The following GUCY2F variants were observed in gnomAD, a reference collection of about 807,000 sequenced individuals.
The protein encoded by GUCY2F is guanylate cyclase 2F, retinal.
GUCY2F carries 61 observed loss-of-function variants against 73.1 expected under a neutral mutation model. That is an observed-to-expected ratio of 0.83 (90% CI 0.68 to 1.03). GUCY2F has a LOEUF of 1.03. Ranked by LOEUF, GUCY2F falls within the 50% of genes least tolerant of loss-of-function variation. The pLI is 0.00. For missense variants in GUCY2F, 912 were observed against 854.3 expected (o/e 1.07, Z -0.84); for synonymous variants, 331 against 307.8 (o/e 1.08, Z -0.79).
chrX:109,468,683 G>A (rs1932517037), intron 2 of GUCY2F, among the ~76,000 whole-genome samples: 1 of 111,655 alleles, frequency 9.0e-6, no homozygotes, highest in South Asian at 3.8e-4. Context: ...GACCCTTTAA[G>A]ACCAAGTAGG....
chrX:109,424,363 T>G, intron 8 of GUCY2F, among the ~76,000 whole-genome samples: 1 of 111,157 alleles, frequency 9.0e-6, no homozygotes, highest in Admixed American at 9.6e-5. Flanking sequence ...GATTTGAGAG[T>G]GGATGTGATT....
chrX:109,387,008 G>C (rs746796311), intron 15 of GUCY2F, among the ~76,000 whole-genome samples: 70 of 111,948 alleles, frequency 6.3e-4, no homozygotes, highest in Middle Eastern at 4.6e-3. Context: ...ACATGAGTAA[G>C]ATATGCTTCC....
rs1474560041 is a variant in GUCY2F at position 109,392,925 on chromosome X, TTC to T, written c.2553_2554del (p.Lys852AsnfsTer15). Reference sequence around the variant, plus strand: ...CATCTGTGTTAGAAGCTTTTCCGTTTTCTGTTTTTCAATTTCCAGCTCTTCAG... The same window carrying T: ...CATCTGTGTTAGAAGCTTTTCCGTTTTGTTTTTCAATTTCCAGCTCTTCAG... On this transcript the variant is annotated frameshift_variant, in exon 13 of 20. Coordinates refer to ENST00000218006, the MANE Select transcript of GUCY2F (RefSeq NM_001522.3). LOFTEE classifies it high-confidence loss of function. The T allele has an allele frequency of 2.5e-6, 3 of 1,194,461 alleles. No individual in the cohort carries two copies. The South Asian group carries it at 5.3e-5, about 21-fold the overall frequency.
chrX:109,441,844 C>G (rs768585088), intron 6 of GUCY2F, among the ~76,000 whole-genome samples: 1 of 111,244 alleles, frequency 9.0e-6, no homozygotes, highest in South Asian at 3.8e-4. Context: ...TATCATATAG[C>G]TAGTCAATTA....
At chrX:109,465,467 T>C in intron 2 of GUCY2F, 24 bp from the exon 3 acceptor site, 1 of 1,112,534 alleles carries the variant, frequency 9.0e-7, no homozygotes, top group East Asian at 3.0e-5. Context: ...AGCAAGGAGG[T>C]TATGGAAGCA....
intron 3 of GUCY2F, among the ~76,000 whole-genome samples, chrX:109,462,323 G>C (rs1932379612): frequency 8.9e-6 from 1 of 112,976 alleles, no homozygotes; most frequent in Non-Finnish European, 1.9e-5. Flanking sequence ...TGCTATACTG[G>C]CTGCCTTCTA....
At chrX:109,438,973 C>T (rs886453523) in intron 7 of GUCY2F, among the ~76,000 whole-genome samples, 4 of 112,757 alleles carry the variant, frequency 3.5e-5, no homozygotes, top group Non-Finnish European at 5.6e-5. Flanking sequence ...CAAGTCTGTG[C>T]CTGGGTCCTG....
At chrX:109,446,695 C>T (rs1186194904) in intron 6 of GUCY2F, among the ~76,000 whole-genome samples, 7 of 111,792 alleles carry the variant, frequency 6.3e-5, no homozygotes, top group African/African-American at 2.3e-4. Flanking sequence ...TAGGCAATAC[C>T]ATTCAGGACA....
In GUCY2F at chrX:109,475,678, G is replaced by C. The variant is rs750846736; in HGVS notation, c.259C>G (p.Pro87Ala). The change falls in exon 2 of 20, where the codon CCA (proline) becomes GCA (alanine). Residue 87 changes from proline to alanine, a missense_variant. Physicochemically the swap from Pro to Ala is conservative, Grantham distance 27. Transcript: ENST00000218006. Reference sequence around the variant, plus strand: ...AAAGAATAACTCAGGTCAAAAGATGGGTCCCGGTTGATTCGCTCAATGGCT... The same window carrying C: ...AAAGAATAACTCAGGTCAAAAGATGCGTCCCGGTTGATTCGCTCAATGGCT... ...RLAIERINRD[P>A]SFDLSYSFEY... 8.6e-5 allele frequency: 104 copies of C among 1,209,034 alleles called. No individual in the cohort carries two copies. Among genetic ancestry groups the C allele is most frequent in the Non-Finnish European group, 1.1e-4 (102 of 894,673 alleles).
intron 11 of GUCY2F, among the ~76,000 whole-genome samples, chrX:109,397,228 T>C (rs990316544): frequency 1.7e-4 from 19 of 110,559 alleles, no homozygotes; most frequent in African/African-American, 5.9e-4. Flanking sequence ...GCCAGTCATG[T>C]GGTTTAGCTG....
chrX:109,384,584 A>G (rs777167741), intron 16 of GUCY2F, among the ~76,000 whole-genome samples: 1 of 111,910 alleles, frequency 8.9e-6, no homozygotes, highest in African/African-American at 3.2e-5. Context: ...GTCTGTTTTG[A>G]TAGAAGCTAA....
At chrX:109,456,781 GGTTTGA>G (rs1368807395) in intron 3 of GUCY2F, among the ~76,000 whole-genome samples, 1 of 111,913 alleles carries the variant, frequency 8.9e-6, no homozygotes, top group Non-Finnish European at 1.9e-5. Context: ...TGCTGTAGTT[GGTTTGA>G]GTTCCTGCTT....
At chrX:109,462,790 G>C (rs1161919334) in intron 3 of GUCY2F, among the ~76,000 whole-genome samples, 1 of 111,620 alleles carries the variant, frequency 9.0e-6, no homozygotes, top group Non-Finnish European at 1.9e-5. Context: ...GACTTTAATT[G>C]TATCTATGTG....
Position 109,475,665 on chromosome X carries a change from A to T in GUCY2F, c.272T>A (p.Leu91Gln). The change falls in exon 2 of 20, where the codon CTG becomes CAG. Residue 91 changes from leucine to glutamine, a missense_variant. By Grantham distance (113) the Leu-to-Gln change is moderately radical (BLOSUM62 -2). Coordinates refer to ENST00000218006, the MANE Select transcript of GUCY2F (RefSeq NM_001522.3). ...AATCACGTATTCAAAAGAATAACTC[A>T]GGTCAAAAGATGGGTCCCGGTTGAT... is the stretch of plus-strand genomic sequence containing the variant. ...ERINRDPSFD[L>Q]SYSFEYVILN... 8.3e-7 allele frequency: 1 copy of T among 1,210,745 alleles called. No homozygotes were observed. Among genetic ancestry groups the T allele is most frequent in the South Asian group, 1.8e-5 (1 of 56,954 alleles).
chrX:109,461,725 A>G (rs1932366263), intron 3 of GUCY2F, among the ~76,000 whole-genome samples: 1 of 112,214 alleles, frequency 8.9e-6, no homozygotes, highest in Non-Finnish European at 1.9e-5. Flanking sequence ...CAAGCTACCA[A>G]TTGATGTCAC....
intron 3 of GUCY2F, among the ~76,000 whole-genome samples, chrX:109,458,142 A>G (rs772636588): frequency 8.9e-6 from 1 of 112,212 alleles, no homozygotes; most frequent in Non-Finnish European, 1.9e-5. Context: ...TTACAGGAAA[A>G]CAATTCAATA....
chrX:109,453,853 G>A lies in GUCY2F; in HGVS notation c.1039C>T (p.Pro347Ser). ...PEKLEFDQVS[P>S]LFGTIYNSIY... ...GAATTGTAGATGGTTCCAAACAACG[G>A]TGAAACCTATTTTTAAAAATTACAA... is the stretch of plus-strand genomic sequence containing the variant. The change falls in exon 4 of 20, where the codon CCG becomes TCG. Residue 347 changes from proline (P) to serine (S), a missense_variant. Physicochemically the swap from Pro to Ser is moderately conservative, Grantham distance 74 (BLOSUM62 -1). Transcript: ENST00000218006. 6.3e-6 allele frequency: 7 copies of A among 1,119,926 alleles called. No homozygotes were observed. Among genetic ancestry groups the A allele is most frequent in the Non-Finnish European group, 8.5e-6 (7 of 827,012 alleles). The allele number at this position is 1,119,926 out of a possible 1,213,427, so 92.3% of individuals were successfully genotyped here. A position where few individuals can be genotyped will look rare whatever the true frequency, so the allele number is the denominator to read the frequency against.
At chrX:109,466,501 G>C (rs888002889) in intron 2 of GUCY2F, among the ~76,000 whole-genome samples, 1 of 111,270 alleles carries the variant, frequency 9.0e-6, no homozygotes, top group African/African-American at 3.3e-5. Flanking sequence ...ATTCAAGGGG[G>C]CCACGGTTGA....
intron 7 of GUCY2F, among the ~76,000 whole-genome samples, chrX:109,439,175 A>C (rs1463494951): frequency 8.9e-6 from 1 of 111,787 alleles, no homozygotes; most frequent in African/African-American, 3.3e-5. Flanking sequence ...AGAGCCCTGC[A>C]CTGAAATATG....
Sources: allele counts gnomAD v4.1 joint callset (sites outside exome capture counted in the v4.1 genomes callset), GRCh38; gene constraint gnomAD v4.1.1; transcripts MANE v1.5; gene names NCBI Gene and HGNC (gene_info 2026-07-23, HGNC 2026-07-21).